The following ZNF48 variants were observed in gnomAD, a reference collection of about 807,000 sequenced individuals.
The protein encoded by ZNF48 is zinc finger protein 48.
ZNF48 carries 20 observed loss-of-function variants against 40.0 expected under a neutral mutation model. The observed-to-expected ratio is 0.50, with a 90% CI of 0.35 to 0.73. The LOEUF (loss-of-function observed/expected upper bound fraction) is 0.73. Among genes scored for constraint, ZNF48 ranks in the 30% least tolerant of loss-of-function variants. The pLI, the probability that ZNF48 is intolerant of heterozygous loss-of-function variation, is 0.01. For missense variants in ZNF48, 726 were observed against 851.9 expected, an observed-to-expected ratio of 0.85 and a Z score of 1.84; for synonymous variants, 298 against 329.7, an observed-to-expected ratio of 0.90 and a Z score of 1.04.
At position 30,398,014 on chromosome 16, in the gene ZNF48, GGCA is replaced by G; in HGVS notation, c.767_769del (p.Gln256del). ...CCCCCCCGACCAGTGGTGCCCCGAC[GGCA>G]GCCATCTCGGGCAGCCACGGCAGCT... On this transcript the variant is annotated inframe_deletion, in exon 3 of 3. Transcript: ENST00000613509. This position sits in a 1 kb window ranked among gnomAD's most constrained non-coding sequence, Gnocchi z 6.6. 1 of 1,612,932 alleles carries G rather than the reference GGCA, an allele frequency of 6.2e-7. No homozygotes were observed. Among genetic ancestry groups the G allele is most frequent in the Non-Finnish European group, 8.5e-7 (1 of 1,179,406 alleles).
intron 1 of ZNF48, chr16:30,379,894 A>T (rs2049819177): frequency 8.7e-7 from 1 of 1,150,518 alleles, no homozygotes; most frequent in Non-Finnish European, 1.3e-6. Flanking sequence ...GACGTGAGCC[A>T]CCGTGCCCGG....
Position 30,382,271 on chromosome 16 carries a change from A to G in ZNF48, c.-16+3861A>G. The G allele has an allele frequency of 1.2e-6, 2 of 1,613,698 alleles. No individual in the cohort carries two copies. The highest frequency in any genetic ancestry group is 1.7e-6 in the Non-Finnish European group (2 of 1,179,718). On this transcript the variant is annotated intron_variant, in intron 1 of 2. Transcript: ENST00000528032. This position sits in a 1 kb window ranked among gnomAD's most constrained non-coding sequence, Gnocchi z 4.8. ...CCGCAGTTCCCTCTCCAAAACCCCC[A>G]GACCTGCCACCATTAGCGTGAAGTC...
upstream of ZNF48, chr16:30,395,174 G>C (rs1185979044): frequency 2.2e-6 from 1 of 454,250 alleles, no homozygotes; most frequent in Middle Eastern, 3.3e-4. The surrounding 1 kb of genome is among the most constrained non-coding windows in gnomAD (Gnocchi z 5.9). Flanking sequence ...GGTCGGCGCG[G>C]GTGGCTGGAG....
chr16:30,384,521 T>TCAAAAAA (rs2049885509), intron 1 of ZNF48, among the ~76,000 whole-genome samples: 1 of 150,782 alleles, frequency 6.6e-6, no homozygotes, highest in African/African-American at 2.4e-5. Context: ...AGACTCCGTC[T>TCAAAAAA]CAAAAAACAA....
chr16:30,380,364 C>A, intron 1 of ZNF48: 1 of 160,512 alleles, frequency 6.2e-6, no homozygotes, highest in Non-Finnish European at 1.4e-5. Context: ...TCCAGTGGCT[C>A]CATCTTGGTT....
At chr16:30,379,260 G>T (rs1026706394) in intron 1 of ZNF48, 2 of 1,566,650 alleles carry the variant, frequency 1.3e-6, no homozygotes, top group African/African-American at 2.7e-5. Flanking sequence ...CGGGTCTACA[G>T]GAAAGTCCTG....
chr16:30,398,632 G>GC lies in ZNF48; in HGVS notation c.1384dup (p.Arg462ProfsTer4). 1 of 1,613,206 alleles carries GC rather than the reference G, an allele frequency of 6.2e-7. No individual in the cohort carries two copies. Among genetic ancestry groups the GC allele is most frequent in the Non-Finnish European group, 8.5e-7 (1 of 1,179,962 alleles). On this transcript the variant is annotated frameshift_variant, in exon 3 of 3. Transcript: ENST00000613509. LOFTEE classifies it high-confidence loss of function. This position sits in a 1 kb window ranked among gnomAD's most constrained non-coding sequence, Gnocchi z 6.6. ...TGCCCTGAGTGTGGCAAGGGCTTCC[G>GC]CCGAAGCTCTGACCTGGTGAAACAC... is the stretch of plus-strand genomic sequence containing the variant.
rs201137578 is a variant in ZNF48, at chr16:30,397,464, A to T, written c.214A>T (p.Ile72Phe). 6.2e-7 allele frequency: 1 copy of T among 1,614,166 alleles called. No individual in the cohort carries two copies. Among genetic ancestry groups the T allele is most frequent in the Non-Finnish European group, 8.5e-7 (1 of 1,180,028 alleles). The change falls in exon 3 of 3, where the codon ATC (isoleucine) becomes TTC (phenylalanine). Residue 72 changes from isoleucine (I) to phenylalanine (F), a missense_variant. Ile to Phe is a conservative substitution (Grantham distance 21, BLOSUM62 0). Coordinates refer to ENST00000613509, the MANE Select transcript of ZNF48 (RefSeq NM_001214909.2). This position sits in a 1 kb window ranked among gnomAD's most constrained non-coding sequence, Gnocchi z 4.1. ...AAATGCCTCTCTCAAACCTGAAGGCATCCAGAACTGGGATGACTTATGGGT... is the reference window on the plus strand; with the variant it reads ...AAATGCCTCTCTCAAACCTGAAGGCTTCCAGAACTGGGATGACTTATGGGT... Reference protein sequence around the residue: ...VGNASLKPEGIQNWDDLWVQR... With the variant: ...VGNASLKPEGFQNWDDLWVQR...
Position 30,381,781 on chromosome 16 carries a change from T to A in ZNF48, c.-16+3371T>A. 1 of 1,613,902 alleles carries A rather than the reference T, an allele frequency of 6.2e-7. No homozygotes were observed. Among genetic ancestry groups the A allele is most frequent in the Non-Finnish European group, 8.5e-7 (1 of 1,179,964 alleles). On this transcript the variant is annotated intron_variant, in intron 1 of 2. Coordinates refer to the ZNF48 transcript ENST00000528032. This position sits in a 1 kb window ranked among gnomAD's most constrained non-coding sequence, Gnocchi z 4.3. ...TCACCAGTCAGAGCAGTCCACTGAG[T>A]CCCCAAAGCCAGGTGTGTCCACAAG...
upstream of ZNF48, among the ~76,000 whole-genome samples, chr16:30,392,806 T>C (rs1366101106): frequency 6.6e-6 from 1 of 152,212 alleles, no homozygotes; most frequent in African/African-American, 2.4e-5. Context: ...TACACTCCTA[T>C]AAAATTTTGT....
At chr16:30,393,726 T>C (rs533772012), upstream of ZNF48, among the ~76,000 whole-genome samples, 5 of 149,736 alleles carry the variant, frequency 3.3e-5, no homozygotes, top group African/African-American at 4.9e-5. Context: ...TTCTTTCTCT[T>C]TTTTTTTTAG....
In ZNF48 at chr16:30,397,522, G is replaced by A. The variant is rs186274396; in HGVS notation, c.272G>A (p.Arg91Gln). ...QREGLGKPQPRDRGPRLLGEP... is the reference protein window; with the variant it reads ...QREGLGKPQPQDRGPRLLGEP... ...GAGGGTCTAGGAAAGCCTCAGCCTC[G>A]GGACAGAGGCCCCCGGCTCCTGGGT... Residue 91 changes from arginine to glutamine, a missense_variant, in exon 3 of 3, where the codon CGG (arginine) becomes CAG (glutamine). Arg to Gln is a conservative substitution (Grantham distance 43, BLOSUM62 1). This residue lies in a region of ZNF48 where 151 missense variants were observed against 162.3 expected (regional missense o/e 0.93). Transcript: ENST00000613509. This position sits in a 1 kb window ranked among gnomAD's most constrained non-coding sequence, Gnocchi z 4.1. The A allele has an allele frequency of 1.6e-5, 26 of 1,614,134 alleles. No individual in the cohort carries two copies. The highest frequency in any genetic ancestry group is 5.0e-5 in the Admixed American group (3 of 60,018).
At chr16:30,378,703 G>A (rs201478158) in intron 1 of ZNF48, 2 of 1,606,402 alleles carry the variant, frequency 1.2e-6, no homozygotes. Flanking sequence ...AAAGCTTACT[G>A]CGGGACAGTG....
intron 1 of ZNF48, chr16:30,378,513 C>A (rs2049784077): frequency 6.3e-7 from 1 of 1,582,188 alleles, no homozygotes; most frequent in Non-Finnish European, 8.6e-7. Flanking sequence ...CTCTTGCATG[C>A]GGCGCAGCTG....
At position 30,398,194 on chromosome 16, in the gene ZNF48, G is replaced by T. The variant is rs965023514; in HGVS notation, c.944G>T (p.Gly315Val). 1 of 1,614,032 alleles carries T rather than the reference G, an allele frequency of 6.2e-7. No homozygotes were observed. Among genetic ancestry groups the T allele is most frequent in the South Asian group, 1.1e-5 (1 of 91,090 alleles). ...CDVCGKEFAR[G>V]SDLVKHLRVH... The stretch of plus-strand genomic sequence containing the variant: ...GTGTGTGGAAAGGAGTTTGCCCGGG[G>T]ATCCGACCTGGTGAAGCACCTGCGG... The change falls in exon 3 of 3, where the codon GGA becomes GTA. Residue 315 changes from glycine (G) to valine (V), a missense_variant. Around this residue, in one of 5 missense-constraint regions of ZNF48, gnomAD observed 378 missense variants for 449.1 expected, o/e 0.84. Transcript: ENST00000613509. This position sits in a 1 kb window ranked among gnomAD's most constrained non-coding sequence, Gnocchi z 6.6.
intron 1 of ZNF48, among the ~76,000 whole-genome samples, chr16:30,384,425 G>T (rs1395131576): frequency 1.3e-5 from 2 of 151,822 alleles, no homozygotes; most frequent in African/African-American, 2.4e-5. Flanking sequence ...TACTCAGGAG[G>T]CTAAAGCAGA....
At chr16:30,388,310 C>T (rs549766036) in intron 1 of ZNF48, among the ~76,000 whole-genome samples, 1 of 152,192 alleles carries the variant, frequency 6.6e-6, no homozygotes, top group East Asian at 1.9e-4. Flanking sequence ...TGCACATGTA[C>T]ATTATCTGTT....
rs748094719 is a variant in ZNF48, at chr16:30,395,460, G to C, written c.-134G>C. 125 of 339,700 alleles carry C rather than the reference G, an allele frequency of 3.7e-4. No individual in the cohort carries two copies. The highest frequency in any genetic ancestry group is 6.2e-4 in the Non-Finnish European group (108 of 173,794). The allele number at this position is 339,700 out of a possible 1,614,324, so 21.0% of individuals were successfully genotyped here. On this transcript the variant is annotated 5_prime_UTR_variant, in exon 1 of 3. Coordinates refer to ENST00000613509, the MANE Select transcript of ZNF48 (RefSeq NM_001214909.2). The surrounding 1 kb of genome is among the most constrained non-coding windows in gnomAD (Gnocchi z 5.9). Reference sequence around the variant, plus strand: ...CCGCCCCCGGGACGCCTGGGTCCGAGCCCGCTCCCGGCTTGGCGCGGAGCC... The same window carrying C: ...CCGCCCCCGGGACGCCTGGGTCCGACCCCGCTCCCGGCTTGGCGCGGAGCC...
chr16:30,396,560 G>C (rs1007609473), intron 2 of ZNF48, among the ~76,000 whole-genome samples: 1 of 152,010 alleles, frequency 6.6e-6, no homozygotes, highest in Admixed American at 6.6e-5. Context: ...ATAAATTACC[G>C]AATGGGCTAA....
Sources: allele counts gnomAD v4.1 joint callset (sites outside exome capture counted in the v4.1 genomes callset), GRCh38; gene constraint gnomAD v4.1.1; regional missense constraint gnomAD v4.1.1; non-coding constraint Gnocchi (gnomAD v3.1); transcripts MANE v1.5; gene names NCBI Gene and HGNC (gene_info 2026-07-23, HGNC 2026-07-21).